Variants in CLASP1 observed in about 807,000 individuals in gnomAD.
The protein encoded by CLASP1 is CLIP-associating protein 1.
Under a neutral mutation model 192.3 loss-of-function variants are expected in CLASP1, and 38 were observed. The ratio of observed to expected loss-of-function variants is 0.20; its 90% CI spans 0.15 to 0.26. The LOEUF (loss-of-function observed/expected upper bound fraction) is 0.26. Among genes scored for constraint, CLASP1 ranks in the 10% least tolerant of loss-of-function variants. The pLI, the probability that CLASP1 is intolerant of heterozygous loss-of-function variation, is 1.00. For synonymous variants in CLASP1, 691 were observed against 712.8 expected (o/e 0.97, Z 0.49); for missense variants, 1,433 against 1,932.5 (o/e 0.74, Z 4.85).
chr2:121,531,292 ACCTC>A (rs1283118475), intron 2 of CLASP1, among the ~76,000 whole-genome samples: 1 of 152,110 alleles, frequency 6.6e-6, no homozygotes, highest in Non-Finnish European at 1.5e-5. Flanking sequence ...AGGTCTTTGC[ACCTC>A]ACATAAAATG....
intron 9 of CLASP1, among the ~76,000 whole-genome samples, chr2:121,463,449 A>C (rs2088573449): frequency 6.6e-6 from 1 of 152,196 alleles, no homozygotes; most frequent in Non-Finnish European, 1.5e-5. Context: ...CTCTTGCTGA[A>C]GATCACTCAC....
intron 19 of CLASP1, chr2:121,445,582 AT>A (rs1306124918): frequency 6.0e-6 from 4 of 662,282 alleles, no homozygotes; most frequent in Non-Finnish European, 9.5e-6. Flanking sequence ...ACTGTAACAA[AT>A]TCTCACTAGG....
At chr2:121,368,676 C>T (rs1270913433) in intron 34 of CLASP1, among the ~76,000 whole-genome samples, 3 of 152,194 alleles carry the variant, frequency 2.0e-5, no homozygotes, top group Admixed American at 6.5e-5. Context: ...TCATCCCAAA[C>T]ATCTGACTAC....
At chr2:121,617,500 C>T (rs1380350413) in intron 1 of CLASP1, among the ~76,000 whole-genome samples, 1 of 152,160 alleles carries the variant, frequency 6.6e-6, no homozygotes, top group Non-Finnish European at 1.5e-5. Flanking sequence ...CTCCACAGAC[C>T]CTCTGATCTG....
intron 6 of CLASP1, among the ~76,000 whole-genome samples, chr2:121,516,333 A>T (rs1319262378): frequency 6.6e-6 from 1 of 152,264 alleles, no homozygotes; most frequent in Admixed American, 6.5e-5. Context: ...GGGAGCAATC[A>T]CATTAGGGGA....
chr2:121,475,091 C>T (rs139995376), intron 8 of CLASP1, among the ~76,000 whole-genome samples: 2 of 152,208 alleles, frequency 1.3e-5, no homozygotes, highest in East Asian at 3.9e-4. Flanking sequence ...TGACCCTGCA[C>T]AACAACTTAA....
chr2:121,497,376 G>C (rs2093575670), intron 8 of CLASP1, among the ~76,000 whole-genome samples: 1 of 152,134 alleles, frequency 6.6e-6, no homozygotes, highest in South Asian at 2.1e-4. Context: ...TTTGTGTTTT[G>C]TCTTTCAGCC....
intron 1 of CLASP1, among the ~76,000 whole-genome samples, chr2:121,649,028 C>T (rs1359863874): frequency 6.6e-6 from 1 of 152,196 alleles, no homozygotes; most frequent in Non-Finnish European, 1.5e-5. Flanking sequence ...GCTGGCTTCT[C>T]CCACCCGGCA....
chr2:121,350,907 C>T (rs907541754), intron 37 of CLASP1, among the ~76,000 whole-genome samples: 18 of 152,204 alleles, frequency 1.2e-4, no homozygotes, highest in African/African-American at 4.3e-4. Context: ...TTGCAATGAA[C>T]ATTAGGCTGG....
chr2:121,636,462 G>A (rs2070897958), intron 1 of CLASP1, among the ~76,000 whole-genome samples: 1 of 151,116 alleles, frequency 6.6e-6, no homozygotes, highest in Non-Finnish European at 1.5e-5. Context: ...TCAGGAGTTC[G>A]ACACCAGACT....
At chr2:121,591,021 C>T (rs902842136) in intron 2 of CLASP1, among the ~76,000 whole-genome samples, 2 of 152,024 alleles carry the variant, frequency 1.3e-5, no homozygotes, top group African/African-American at 2.4e-5. Context: ...GCGTGCACCA[C>T]CACGCCCAGC....
chr2:121,448,826 C>A, intron 17 of CLASP1, 127 bp downstream of exon 17: 1 of 886,046 alleles, frequency 1.1e-6, no homozygotes, highest in Non-Finnish European at 1.7e-6. Context: ...GCACCAGGAT[C>A]TACCTCAAGT....
intron 2 of CLASP1, among the ~76,000 whole-genome samples, chr2:121,588,443 G>T (rs1473460604): frequency 1.3e-5 from 2 of 152,076 alleles, no homozygotes; most frequent in African/African-American, 4.8e-5. Flanking sequence ...ATAAATCCTC[G>T]ATTTAAAGAG....
chr2:121,577,824 T>C (rs1321229496), intron 2 of CLASP1, among the ~76,000 whole-genome samples: 2 of 151,978 alleles, frequency 1.3e-5, no homozygotes, highest in Non-Finnish European at 2.9e-5. Context: ...CCTGTGATCC[T>C]AGCACTTTGG....
At chr2:121,427,311 AAGAG>A in intron 21 of CLASP1, 89 bp downstream of exon 21, 3 of 1,413,330 alleles carry the variant, frequency 2.1e-6, no homozygotes, top group Non-Finnish European at 2.9e-6. Flanking sequence ...GCTTACAATA[AAGAG>A]AGAAATTAAT....
chr2:121,614,859 A>T (rs1030484872), intron 1 of CLASP1, among the ~76,000 whole-genome samples: 2 of 152,248 alleles, frequency 1.3e-5, no homozygotes, highest in African/African-American at 4.8e-5. Context: ...GTCAACACAA[A>T]CACGAGATGT....
At chr2:121,608,943 T>A (rs952235271) in intron 1 of CLASP1, among the ~76,000 whole-genome samples, 1 of 152,334 alleles carries the variant, frequency 6.6e-6, no homozygotes, top group East Asian at 1.9e-4. Context: ...TAATACTGAT[T>A]TATATAATAC....
intron 2 of CLASP1, among the ~76,000 whole-genome samples, chr2:121,593,932 C>A (rs1052127899): frequency 1.2e-4 from 18 of 150,442 alleles, no homozygotes; most frequent in Non-Finnish European, 1.9e-4. Context: ...TCACTGAACC[C>A]GGGAGGCGGA....
intron 1 of CLASP1, among the ~76,000 whole-genome samples, chr2:121,646,757 G>A (rs1297232048): frequency 6.6e-6 from 1 of 152,120 alleles, no homozygotes; most frequent in Non-Finnish European, 1.5e-5. Flanking sequence ...CTAAATCTAG[G>A]CCAGGCGTGG....
Sources: gnomAD v4.1 joint callset for allele counts (sites outside exome capture counted in the v4.1 genomes callset) on GRCh38, gnomAD v4.1.1 for gene constraint, MANE v1.5 for transcripts, NCBI Gene and HGNC (gene_info 2026-07-23, HGNC 2026-07-21) for gene names.